Variants in RYR2 observed in about 807,000 individuals in gnomAD.
The protein encoded by RYR2 is ryanodine receptor 2.
A neutral mutation model predicts 601.1 loss-of-function variants in RYR2; 227 were observed. That is an observed-to-expected ratio of 0.38 (90% CI 0.34 to 0.42). The LOEUF (loss-of-function observed/expected upper bound fraction) is 0.42, where lower values mean the gene tolerates loss of function less well. Among genes scored for constraint, RYR2 ranks in the 10% least tolerant of loss-of-function variants. The pLI is 1.00. For missense variants in RYR2, 4,646 were observed against 6,156.5 expected, an observed-to-expected ratio of 0.75 and a Z score of 8.21; for synonymous variants, 2,223 against 2,175.1, an observed-to-expected ratio of 1.02 and a Z score of -0.61.
intron 62 of RYR2, among the ~76,000 whole-genome samples, chr1:237,683,687 A>AT (rs11390135): frequency 0.37 from 56,055 of 152,022 alleles, 10,521 homozygotes; most frequent in African/African-American, 0.42. Flanking sequence ...TTCTATCACA[A>AT]TTTTTTTAAC....
chr1:237,712,774 G>A (rs542431185), intron 71 of RYR2, among the ~76,000 whole-genome samples: 172 of 152,294 alleles, frequency 1.1e-3, no homozygotes, highest in African/African-American at 3.8e-3. Context: ...TCTGTCACTC[G>A]TATTGGGGAG....
chr1:237,327,077 A>T (rs1188364246), intron 2 of RYR2, among the ~76,000 whole-genome samples: 1 of 152,222 alleles, frequency 6.6e-6, no homozygotes, highest in African/African-American at 2.4e-5. Flanking sequence ...AAATAACTAG[A>T]TCATTTTTCT....
chr1:237,170,669 A>C (rs1054514204), intron 1 of RYR2, among the ~76,000 whole-genome samples: 2 of 152,234 alleles, frequency 1.3e-5, no homozygotes, highest in Non-Finnish European at 2.9e-5. Context: ...GAAACAGAAG[A>C]GGTTATTATC....
At chr1:237,196,616 C>T (rs939095533) in intron 1 of RYR2, among the ~76,000 whole-genome samples, 1 of 152,118 alleles carries the variant, frequency 6.6e-6, no homozygotes, top group Admixed American at 6.5e-5. Context: ...AATTGTCCTA[C>T]ACTTATGGAT....
chr1:237,422,006 C>T (rs776021089), intron 11 of RYR2, among the ~76,000 whole-genome samples: 9 of 151,994 alleles, frequency 5.9e-5, no homozygotes, highest in African/African-American at 1.4e-4. Flanking sequence ...AGTTTTCTTG[C>T]GTGCTTTGAT....
chr1:237,646,026 G>A (rs989151333), intron 48 of RYR2, among the ~76,000 whole-genome samples: 41 of 151,480 alleles, frequency 2.7e-4, no homozygotes, highest in East Asian at 1.4e-3. Context: ...ACAGGCGCCC[G>A]CCACTATGCC....
At chr1:237,560,684 A>C (rs945663913) in intron 27 of RYR2, among the ~76,000 whole-genome samples, 3 of 152,240 alleles carry the variant, frequency 2.0e-5, no homozygotes, top group African/African-American at 7.2e-5. Flanking sequence ...TTCCAGAGCT[A>C]TGAAAAATTT....
chr1:237,384,822 C>T (rs1056608508), intron 8 of RYR2, among the ~76,000 whole-genome samples: 5 of 152,132 alleles, frequency 3.3e-5, no homozygotes, highest in Admixed American at 6.5e-5. Flanking sequence ...TCCTGTAGCA[C>T]GTTGATTATG....
chr1:237,058,704 C>G (rs1662471864), intron 1 of RYR2, among the ~76,000 whole-genome samples: 1 of 151,830 alleles, frequency 6.6e-6, no homozygotes, highest in East Asian at 1.9e-4. Context: ...ATTACTTGAG[C>G]CCAGAAGCTT....
chr1:237,352,600 GC>G (rs1165429864), intron 3 of RYR2, among the ~76,000 whole-genome samples: 5 of 152,134 alleles, frequency 3.3e-5, no homozygotes, highest in Admixed American at 6.6e-5. Context: ...AGTTGGAAAA[GC>G]CAGTTCTAAA....
At chr1:237,403,112 A>T (rs374208057) in intron 10 of RYR2, among the ~76,000 whole-genome samples, 135 of 152,276 alleles carry the variant, frequency 8.9e-4, no homozygotes, top group African/African-American at 2.8e-3. Flanking sequence ...GCGTGGAGTA[A>T]AGGAAGTATT....
At position 237,665,397 on chromosome 1, in the gene RYR2, CAAAAAAA is replaced by C. The variant is rs71162408; in HGVS notation, c.8437-1099_8437-1093del. ...CTGGTGACAGAGCGAGACTCTGTCT[CAAAAAAA>C]AAAAAAAAAAAAAAAGGAAAACTTC... On this transcript the variant is annotated intron_variant, in intron 56 of 104. Coordinates refer to ENST00000366574, the MANE Select transcript of RYR2 (RefSeq NM_001035.3). 7.3e-5 allele frequency among the ~76,000 whole-genome samples: 7 copies of C among 95,606 alleles called. No individual in the cohort carries two copies. The South Asian group carries it at 1.7e-3, about 24-fold the overall frequency. The allele number at this position is 95,606 out of a possible 152,430, so 62.7% of individuals were successfully genotyped here.
rs1219767409 is a variant in RYR2, at chr1:237,594,907, T to G, written c.4437-591T>G. Among the ~76,000 whole-genome samples the G allele has an allele frequency of 1.0e-3, 59 of 58,830 alleles. 1 individual carries two copies. The highest frequency in any genetic ancestry group is 1.9e-3 in the South Asian group (3 of 1,600). The allele number at this position is 58,830 out of a possible 152,430, so 38.6% of individuals were successfully genotyped here. A position where few individuals can be genotyped will look rare whatever the true frequency, so the allele number is the denominator to read the frequency against. Reference sequence around the variant, plus strand: ...CTGGGTTTTTTTTTTTTTTTTTTTTTTTTTTTTTTTTTTTTTTTTTTTTTG... The same window carrying G: ...CTGGGTTTTTTTTTTTTTTTTTTTTGTTTTTTTTTTTTTTTTTTTTTTTTG... On this transcript the variant is annotated intron_variant, in intron 33 of 104. Coordinates refer to ENST00000366574, the MANE Select transcript of RYR2 (RefSeq NM_001035.3).
intron 18 of RYR2, 46 bp from the exon 19 acceptor site, chr1:237,492,908 A>T (rs1483432857): frequency 1.1e-6 from 1 of 934,750 alleles, no homozygotes; most frequent in Non-Finnish European, 1.4e-6. Flanking sequence ...AGGGAGGGAA[A>T]GCAGGGAGGG....
chr1:237,676,354 T>A (rs1315935554), intron 60 of RYR2, among the ~76,000 whole-genome samples: 1 of 152,146 alleles, frequency 6.6e-6, no homozygotes, highest in Non-Finnish European at 1.5e-5. Context: ...TACAGTTTTC[T>A]TGTATGGGGG....
chr1:237,394,243 T>C (rs1186140643), intron 10 of RYR2, among the ~76,000 whole-genome samples: 1 of 152,216 alleles, frequency 6.6e-6, no homozygotes, highest in East Asian at 1.9e-4. Flanking sequence ...ACATGTATTT[T>C]GTTGTTTTTC....
At chr1:237,089,279 A>G (rs1007324016) in intron 1 of RYR2, among the ~76,000 whole-genome samples, 9 of 152,266 alleles carry the variant, frequency 5.9e-5, no homozygotes, top group South Asian at 4.1e-4. Flanking sequence ...TTTGAGAATA[A>G]GCAGAGCCTT....
Position 237,744,349 on chromosome 1 carries a change from T to TAAAAAA in RYR2, c.11145+2008_11145+2013dup, listed in dbSNP as rs752916603. 1.4e-3 allele frequency among the ~76,000 whole-genome samples: 192 copies of TAAAAAA among 141,034 alleles called. 5 individuals are homozygous for TAAAAAA. Among genetic ancestry groups the TAAAAAA allele is most frequent in the Non-Finnish European group, 1.4e-3 (94 of 64,880 alleles). The allele number at this position is 141,034 out of a possible 152,430, so 92.5% of individuals were successfully genotyped here. A position where few individuals can be genotyped will look rare whatever the true frequency, so the allele number is the denominator to read the frequency against. On this transcript the variant is annotated intron_variant, in intron 80 of 104. Coordinates refer to ENST00000366574, the MANE Select transcript of RYR2 (RefSeq NM_001035.3). Reference sequence around the variant, plus strand: ...AAGACTTTAGTTTTGTTTGTTTGTTTAAAAAAAAAAAAAGCTTTTTAGGTG... The same window carrying TAAAAAA: ...AAGACTTTAGTTTTGTTTGTTTGTTTAAAAAAAAAAAAAAAAAAAGCTTTTTAGGTG...
intron 51 of RYR2, among the ~76,000 whole-genome samples, chr1:237,652,732 A>G (rs1682886382): frequency 6.6e-6 from 1 of 152,160 alleles, no homozygotes; most frequent in South Asian, 2.1e-4. Context: ...AATGAGCTGG[A>G]AAATTCGTGA....
Sources: gnomAD v4.1 joint callset for allele counts (sites outside exome capture counted in the v4.1 genomes callset) on GRCh38, gnomAD v4.1.1 for gene constraint, MANE v1.5 for transcripts, NCBI Gene and HGNC (gene_info 2026-07-23, HGNC 2026-07-21) for gene names.